The following CLCC1 variants were observed in gnomAD, a reference collection of about 807,000 sequenced individuals.
The protein encoded by CLCC1 is chloride channel CLIC like 1.
CLCC1 carries 39 observed loss-of-function variants against 63.3 expected under a neutral mutation model. The observed-to-expected ratio is 0.62, with a 90% confidence interval of 0.48 to 0.81. CLCC1 has a LOEUF of 0.81. CLCC1 is among the 30% of genes least tolerant of loss of function. The probability of loss-of-function intolerance (pLI) is 0.00; values close to 1 mark genes in which losing one functional copy is unlikely to be tolerated. For synonymous variants in CLCC1, 217 were observed against 239.8 expected (o/e 0.90, Z 0.88); for missense variants, 549 against 669.4 (o/e 0.82, Z 1.98).
At position 108,931,345 on chromosome 1, in the gene CLCC1, AAAGT is replaced by A. The variant is rs1557886922; in HGVS notation, c.*1198_*1201del. The stretch of plus-strand genomic sequence containing the variant: ...AGGCAGTTTACAAGGGGATGATAAC[AAAGT>A]AACTAACTAACTGTAGCAAAAGACA... On this transcript the variant is annotated 3_prime_UTR_variant, in exon 13 of 13. Transcript: ENST00000369969. The A allele has an allele frequency of 2.6e-6, 4 of 1,550,722 alleles. 1 individual carries two copies. In the South Asian group the frequency reaches 4.8e-5, roughly 18 times the overall value.
At chr1:108,946,244 A>T (rs1243199076) in intron 5 of CLCC1, among the ~76,000 whole-genome samples, 1 of 150,334 alleles carries the variant, frequency 6.7e-6, no homozygotes, top group African/African-American at 2.5e-5. Flanking sequence ...TGGGAGGCGG[A>T]GCTTGCAGTG....
chr1:108,939,717 C>G lies in CLCC1; in HGVS notation c.960G>C (p.Gly320=), dbSNP rs528506337. The change falls in exon 10 of 13, where the codon GGG becomes GGC. Residue 320 remains glycine, a synonymous_variant. Transcript: ENST00000369969. ...CCTTCATGAGTGCTTTAATAAATTC[C>G]CCAGTTCCTTTTCCAATATGCTTCA... ...EPLKHIGKGT[G]EFIKALMKEI... The G allele has an allele frequency of 1.2e-6, 2 of 1,614,104 alleles. No individual in the cohort carries two copies. Among genetic ancestry groups the G allele is most frequent in the South Asian group, 2.2e-5 (2 of 91,086 alleles).
At chr1:108,934,158 C>T (rs839851) in intron 12 of CLCC1, 52,989 of 153,194 alleles carry the variant, frequency 0.35, 10,935 homozygotes, top group African/African-American at 0.57. Flanking sequence ...AAACTACAGC[C>T]ACAGTGACCT....
At chr1:108,950,948 A>G (rs1307512592) in intron 2 of CLCC1, among the ~76,000 whole-genome samples, 1 of 152,264 alleles carries the variant, frequency 6.6e-6, no homozygotes, top group African/African-American at 2.4e-5. Flanking sequence ...TATGCATAAT[A>G]TGCTCACTGA....
chr1:108,962,802 C>T (rs765354735), intron 1 of CLCC1, among the ~76,000 whole-genome samples: 11 of 149,366 alleles, frequency 7.4e-5, no homozygotes, highest in Non-Finnish European at 1.5e-4. Flanking sequence ...ACCCGGAAGG[C>T]GGAGGTTGCC....
intron 8 of CLCC1, 69 bp downstream of exon 8, chr1:108,941,336 T>C (rs1265635428): frequency 7.4e-7 from 1 of 1,347,568 alleles, no homozygotes; most frequent in Non-Finnish European, 1.0e-6. Flanking sequence ...TTTATCATTC[T>C]CTTTGTTCTA....
chr1:108,929,719 C>CAAAG lies in CLCC1; in HGVS notation c.*2824_*2827dup. 1 of 1,613,012 alleles carries CAAAG rather than the reference C, an allele frequency of 6.2e-7. No individual in the cohort carries two copies. The highest frequency in any genetic ancestry group is 8.5e-7 in the Non-Finnish European group (1 of 1,179,102). On this transcript the variant is annotated 3_prime_UTR_variant, in exon 13 of 13. Coordinates refer to ENST00000369969, the MANE Select transcript of CLCC1 (RefSeq NM_001377458.1). ...CTTCTAGGGATCCAGATTAGATGAT[C>CAAAG]AAAGATGTGCTCCACCACCTGCTAC... is the stretch of plus-strand genomic sequence containing the variant.
In CLCC1 at chr1:108,930,278, A is replaced by ACAT. The variant is rs1275091611; in HGVS notation, c.*2266_*2268dup. The ACAT allele has an allele frequency of 4.7e-6, 1 of 210,970 alleles. No individual in the cohort carries two copies. The highest frequency in any genetic ancestry group is 2.3e-5 in the African/African-American group (1 of 43,360). 13.1% of individuals were successfully genotyped at this position (210,970 alleles called of 1,614,324 possible). A position where few individuals can be genotyped will look rare whatever the true frequency, so the allele number is the denominator to read the frequency against. Reference sequence around the variant, plus strand: ...ATACTCTTATGGAAATAATTTTTTAACATCTTAATTGACAATGGCGTTTTT... The same window carrying ACAT: ...ATACTCTTATGGAAATAATTTTTTAACATCATCTTAATTGACAATGGCGTTTTT... On this transcript the variant is annotated 3_prime_UTR_variant, in exon 13 of 13. Coordinates refer to ENST00000369969, the MANE Select transcript of CLCC1 (RefSeq NM_001377458.1).
Position 108,941,503 on chromosome 1 carries a change from C to T in CLCC1, c.703-5G>A, listed in dbSNP as rs771072226. ...CTGATGCTGTGCAAAAGCTAGCTGC[C>T]CAACACCAAAAGGGAACCAGGAGAG... On this transcript the variant is annotated splice_polypyrimidine_tract_variant and splice_region_variant and intron_variant, in intron 7 of 12. Coordinates refer to ENST00000369969, the MANE Select transcript of CLCC1 (RefSeq NM_001377458.1). 6.2e-7 allele frequency: 1 copy of T among 1,613,666 alleles called. No individual in the cohort carries two copies. Among genetic ancestry groups the T allele is most frequent in the Non-Finnish European group, 8.5e-7 (1 of 1,179,844 alleles).
chr1:108,952,254 C>CTGT (rs1655283808), intron 2 of CLCC1, among the ~76,000 whole-genome samples: 1 of 152,204 alleles, frequency 6.6e-6, no homozygotes, highest in Non-Finnish European at 1.5e-5. Context: ...TCTCGGCTCA[C>CTGT]TGCAACCTCT....
chr1:108,950,066 G>T, intron 3 of CLCC1, 145 bp from the exon 4 acceptor site: 1 of 663,962 alleles, frequency 1.5e-6, no homozygotes, highest in Non-Finnish European at 2.5e-6. Flanking sequence ...CAAAAAAAAA[G>T]TTTCAAATGT....
intron 10 of CLCC1, among the ~76,000 whole-genome samples, chr1:108,937,965 ATG>A (rs1386764718): frequency 5.3e-5 from 8 of 152,276 alleles, no homozygotes; most frequent in African/African-American, 1.7e-4. Flanking sequence ...CAGGAGATCT[ATG>A]AGATCAAAAC....
rs1173522808 is a variant in CLCC1 at position 108,932,411 on chromosome 1, T to TTAAG, written c.*132_*135dup. ...CGATGTGTTCAATTTGCTTTCATAT[T>TTAAG]TAAGTCTTTCCTGAATTGCTGTCAT... On this transcript the variant is annotated 3_prime_UTR_variant, in exon 13 of 13. Coordinates refer to ENST00000369969, the MANE Select transcript of CLCC1 (RefSeq NM_001377458.1). 3.3e-5 allele frequency: 5 copies of TTAAG among 152,240 alleles called. No individual in the cohort carries two copies. The highest frequency in any genetic ancestry group is 1.2e-4 in the African/African-American group (5 of 41,458). 9.4% of individuals were successfully genotyped at this position (152,240 alleles called of 1,614,324 possible). A position where few individuals can be genotyped will look rare whatever the true frequency, so the allele number is the denominator to read the frequency against.
chr1:108,940,086 G>A lies in CLCC1; in HGVS notation c.853C>T (p.Leu285Phe), dbSNP rs777991522. ...KDDPCQKYYE[L>F]LLVNPIWLVP... ...AACCAAATAGGGTTGACTAGTAAGAGCTCATAGTATTTTTGGCATGGGTCA... is the reference window on the plus strand; with the variant it reads ...AACCAAATAGGGTTGACTAGTAAGAACTCATAGTATTTTTGGCATGGGTCA... Residue 285 changes from leucine (L) to phenylalanine (F), a missense_variant, in exon 9 of 13, where the codon CTC (leucine) becomes TTC (phenylalanine). Transcript: ENST00000369969. 1 of 1,613,736 alleles carries A rather than the reference G, an allele frequency of 6.2e-7. No individual in the cohort carries two copies. The highest frequency in any genetic ancestry group is 2.2e-5 in the East Asian group (1 of 44,844).
Position 108,943,991 on chromosome 1 carries a change from C to A in CLCC1, c.406G>T (p.Glu136Ter). 6.2e-7 allele frequency: 1 copy of A among 1,613,604 alleles called. No homozygotes were observed. The highest frequency in any genetic ancestry group is 8.5e-7 in the Non-Finnish European group (1 of 1,179,812). Residue 136 changes from glutamate to a stop codon, truncating the protein, a stop_gained, in exon 6 of 13, where the codon GAA (glutamate) becomes TAA (stop). Coordinates refer to ENST00000369969, the MANE Select transcript of CLCC1 (RefSeq NM_001377458.1). LOFTEE classifies it high-confidence loss of function. ...EIILKRETLL[E>*]IQKFLNGEDW... is the part of the protein sequence containing the mutation. ...TCTCCATTGAGAAACTTCTGTATTT[C>A]TAACAAAGTTTCTCTTTTAAGGATA...
At chr1:108,936,748 G>A (rs1227093359) in intron 11 of CLCC1, among the ~76,000 whole-genome samples, 1 of 152,172 alleles carries the variant, frequency 6.6e-6, no homozygotes, top group Non-Finnish European at 1.5e-5. Flanking sequence ...AGAGCTCCGG[G>A]CCTTCAGTGA....
intron 2 of CLCC1, among the ~76,000 whole-genome samples, chr1:108,952,480 T>C (rs972565029): frequency 6.6e-6 from 1 of 152,194 alleles, no homozygotes; most frequent in African/African-American, 2.4e-5. Context: ...CCCCCCTGTT[T>C]TTTTTTAACA....
At chr1:108,949,553 G>C (rs1162821219) in intron 4 of CLCC1, among the ~76,000 whole-genome samples, 3 of 152,092 alleles carry the variant, frequency 2.0e-5, no homozygotes, top group South Asian at 2.1e-4. Context: ...CGTATTCCTT[G>C]CACCAAGAAG....
chr1:108,962,611 G>C (rs975604483), intron 1 of CLCC1, 142 bp from the exon 2 acceptor site: 16 of 152,290 alleles, frequency 1.1e-4, no homozygotes, highest in African/African-American at 3.9e-4. Context: ...GCTCACGCTT[G>C]TAATCCCAGC....
Sources: allele counts gnomAD v4.1 joint callset (sites outside exome capture counted in the v4.1 genomes callset), GRCh38; gene constraint gnomAD v4.1.1; transcripts MANE v1.5; gene names NCBI Gene and HGNC (gene_info 2026-07-23, HGNC 2026-07-21).